PAX7: variants seen among roughly 807,000 people sequenced by gnomAD.
The protein encoded by PAX7 is paired box protein Pax-7.
In PAX7, 18 loss-of-function variants were observed where a neutral mutation model predicts 50.7. The ratio of observed to expected loss-of-function variants is 0.36; its 90% CI spans 0.25 to 0.53. The LOEUF is 0.53. PAX7 is among the 20% of genes least tolerant of loss of function. The pLI is 0.93. For missense variants in PAX7, 644 were observed against 702.9 expected (o/e 0.92, Z 0.95); for synonymous variants, 310 against 290.4 (o/e 1.07, Z -0.69).
chr1:18,670,750 C>A (rs1021309881), intron 4 of PAX7, among the ~76,000 whole-genome samples: 1 of 152,210 alleles, frequency 6.6e-6, no homozygotes, highest in African/African-American at 2.4e-5. Context: ...AGACGACAGC[C>A]CGGGCCCGTG....
intron 4 of PAX7, among the ~76,000 whole-genome samples, chr1:18,672,044 G>T (rs1251817918): frequency 6.6e-6 from 1 of 152,064 alleles, no homozygotes; most frequent in African/African-American, 2.4e-5. Flanking sequence ...TGGTGTAGTT[G>T]TCAAGATGAA....
At chr1:18,685,360 C>T (rs1331015292) in intron 4 of PAX7, among the ~76,000 whole-genome samples, 1 of 152,236 alleles carries the variant, frequency 6.6e-6, no homozygotes, top group Non-Finnish European at 1.5e-5. Context: ...AAGCTCTATT[C>T]ATTCAAGAGG....
Position 18,748,568 on chromosome 1 carries a change from A to G in PAX7, c.*3639A>G, listed in dbSNP as rs775176118. ...TCCCTGACCTGGGAAATATTTACAT[A>G]GTACTCTAGATCATTCCTTCTTCCT... is the stretch of plus-strand genomic sequence containing the variant. On this transcript the variant is annotated 3_prime_UTR_variant, in exon 9 of 9. Coordinates refer to ENST00000420770, the MANE Select transcript of PAX7 (RefSeq NM_001135254.2). 1 of 231,236 alleles carries G rather than the reference A, an allele frequency of 4.3e-6. No individual in the cohort carries two copies. The highest frequency in any genetic ancestry group is 2.2e-5 in the African/African-American group (1 of 45,178). The allele number at this position is 231,236 out of a possible 1,614,324, so 14.3% of individuals were successfully genotyped here.
rs1931434018 is a variant in PAX7, at chr1:18,746,257, G to A, written c.*1328G>A. The A allele has an allele frequency of 8.7e-6, 2 of 230,164 alleles. No homozygotes were observed. Among genetic ancestry groups the A allele is most frequent in the African/African-American group, 2.2e-5 (1 of 45,166 alleles). 14.3% of individuals were successfully genotyped at this position (230,164 alleles called of 1,614,324 possible). On this transcript the variant is annotated 3_prime_UTR_variant, in exon 9 of 9. Transcript: ENST00000420770. ...CCAAGAGGTCCCTGCCTCCTGATCC[G>A]GCACAGCTGAGCTGAGGCAGATGTG...
At chr1:18,639,859 A>G (rs1162686438) in intron 4 of PAX7, among the ~76,000 whole-genome samples, 2 of 152,194 alleles carry the variant, frequency 1.3e-5, no homozygotes, top group Admixed American at 6.5e-5. Context: ...GGATCAGACC[A>G]GGGGCTCCGC....
Position 18,631,130 on chromosome 1 carries a change from T to G in PAX7, c.-474T>G, listed in dbSNP as rs1052911209. 6 of 230,924 alleles carry G rather than the reference T, an allele frequency of 2.6e-5. No homozygotes were observed. Among genetic ancestry groups the G allele is most frequent in the African/African-American group, 1.3e-4 (6 of 45,090 alleles). 14.3% of individuals were successfully genotyped at this position (230,924 alleles called of 1,614,324 possible). ...CGAGAACGAAATCCACTCCGCAGTC[T>G]CCGGGCTCGGAAACTTTGGCCCCGA... On this transcript the variant is annotated 5_prime_UTR_variant, in exon 1 of 9. Coordinates refer to ENST00000420770, the MANE Select transcript of PAX7 (RefSeq NM_001135254.2).
chr1:18,702,949 A>G, intron 6 of PAX7, 145 bp from the exon 7 acceptor site: 1 of 739,388 alleles, frequency 1.4e-6, no homozygotes, highest in South Asian at 1.8e-5. Flanking sequence ...AACTTGTCTC[A>G]TCCCAGGTAG....
At chr1:18,642,844 C>A (rs1321239059) in intron 4 of PAX7, among the ~76,000 whole-genome samples, 2 of 150,516 alleles carry the variant, frequency 1.3e-5, no homozygotes, top group Non-Finnish European at 2.9e-5. Flanking sequence ...AAACTTCAAA[C>A]GAAGTGGGGT....
rs140833812 is a variant in PAX7 at position 18,718,761 on chromosome 1, G to C, written c.1155+15465G>C. On this transcript the variant is annotated intron_variant, in intron 7 of 8. Coordinates refer to ENST00000420770, the MANE Select transcript of PAX7 (RefSeq NM_001135254.2). ...AGGTTCAAGTAATTCTCCTGCCTCA[G>C]CCTCCCGAGTAGCTGGGATTACAGG... 3.9e-3 allele frequency among the ~76,000 whole-genome samples: 588 copies of C among 151,936 alleles called. 13 individuals are homozygous for C. In the East Asian group the frequency reaches 0.054, roughly 14 times the overall value.
At chr1:18,738,870 C>G (rs1037695516) in intron 8 of PAX7, among the ~76,000 whole-genome samples, 2 of 152,170 alleles carry the variant, frequency 1.3e-5, no homozygotes, top group African/African-American at 4.8e-5. Context: ...TAGACTTAGC[C>G]GTCTCAAAGT....
At chr1:18,705,681 AG>A (rs1307515185) in intron 7 of PAX7, among the ~76,000 whole-genome samples, 2 of 152,294 alleles carry the variant, frequency 1.3e-5, no homozygotes, top group Non-Finnish European at 2.9e-5. Flanking sequence ...CACTGGTGTG[AG>A]CAGTGGATCA....
intron 4 of PAX7, among the ~76,000 whole-genome samples, chr1:18,654,040 G>T (rs1440773718): frequency 6.6e-6 from 1 of 151,944 alleles, no homozygotes; most frequent in Non-Finnish European, 1.5e-5. Flanking sequence ...CTGCAAATAC[G>T]CCAAAGATGA....
chr1:18,666,365 C>T (rs529709114), intron 4 of PAX7, among the ~76,000 whole-genome samples: 42 of 152,284 alleles, frequency 2.8e-4, no homozygotes, highest in African/African-American at 8.7e-4. Context: ...GGGGAGGCCC[C>T]GAACTTGCTG....
intron 4 of PAX7, among the ~76,000 whole-genome samples, chr1:18,675,657 A>C (rs1332061767): frequency 2.0e-5 from 3 of 152,216 alleles, no homozygotes; most frequent in African/African-American, 7.2e-5. Context: ...GGAAGCCGAA[A>C]TGAGCCCCCG....
At chr1:18,720,047 G>T (rs2089475188) in intron 7 of PAX7, among the ~76,000 whole-genome samples, 1 of 152,178 alleles carries the variant, frequency 6.6e-6, no homozygotes, top group Admixed American at 6.5e-5. Flanking sequence ...AAAACCCTTG[G>T]TTTATCCAGA....
chr1:18,654,319 A>G (rs1212678877), intron 4 of PAX7, among the ~76,000 whole-genome samples: 1 of 152,108 alleles, frequency 6.6e-6, no homozygotes, highest in Non-Finnish European at 1.5e-5. Context: ...ATTAGGGGAG[A>G]GTTAAAGAAG....
At position 18,726,276 on chromosome 1, in the gene PAX7, C is replaced by G. The variant is rs2089570820; in HGVS notation, c.1156-9356C>G. Among the ~76,000 whole-genome samples the G allele has an allele frequency of 6.6e-6, 1 of 152,060 alleles. No individual in the cohort carries two copies. Among genetic ancestry groups the G allele is most frequent in the South Asian group, 2.1e-4 (1 of 4,814 alleles). ...TCCTTAACTAAAAGCCTCCAAGGAC[C>G]CCTGGAATGGGGAGGGGGCACTTAG... is the stretch of plus-strand genomic sequence containing the variant. On this transcript the variant is annotated intron_variant, in intron 7 of 8. Coordinates refer to ENST00000420770, the MANE Select transcript of PAX7 (RefSeq NM_001135254.2). This position sits in a 1 kb window ranked among gnomAD's most constrained non-coding sequence, Gnocchi z 4.8.
intron 4 of PAX7, among the ~76,000 whole-genome samples, chr1:18,665,218 C>T (rs2088651563): frequency 6.6e-6 from 1 of 152,120 alleles, no homozygotes; most frequent in Non-Finnish European, 1.5e-5. Context: ...GAGGATGTCC[C>T]AGCTCTCAAC....
In PAX7 at chr1:18,745,451, C is replaced by T. The variant is rs1411888240; in HGVS notation, c.*522C>T. The T allele has an allele frequency of 1.3e-5, 3 of 233,422 alleles. No homozygotes were observed. Among genetic ancestry groups the T allele is most frequent in the African/African-American group, 6.6e-5 (3 of 45,230 alleles). The allele number at this position is 233,422 out of a possible 1,614,324, so 14.5% of individuals were successfully genotyped here. ...CTTTCCTCCTCTAGACATTGGGACT[C>T]CAGCAAAGAGGGGACCCTGGCCCTG... is the stretch of plus-strand genomic sequence containing the variant. On this transcript the variant is annotated 3_prime_UTR_variant, in exon 9 of 9. Transcript: ENST00000420770.
Sources: gnomAD v4.1 joint callset for allele counts (sites outside exome capture counted in the v4.1 genomes callset) on GRCh38, gnomAD v4.1.1 for gene constraint, Gnocchi (gnomAD v3.1) non-coding constraint, MANE v1.5 for transcripts, NCBI Gene and HGNC (gene_info 2026-07-23, HGNC 2026-07-21) for gene names.